The following CYTH3 variants were observed in gnomAD, a reference collection of about 807,000 sequenced individuals.
CYTH3 encodes cytohesin 3.
Under a neutral mutation model 55.1 loss-of-function variants are expected in CYTH3, and 23 were observed. The ratio of observed to expected loss-of-function variants is 0.42; its 90% confidence interval spans 0.30 to 0.59. CYTH3 has a LOEUF of 0.59. Among genes scored for constraint, CYTH3 ranks in the 20% least tolerant of loss-of-function variants. The pLI, the probability that CYTH3 is intolerant of heterozygous loss-of-function variation, is 0.20. For missense variants in CYTH3, 413 were observed against 524.8 expected (o/e 0.79, Z 2.08); for synonymous variants, 249 against 194.9 (o/e 1.28, Z -2.31).
At chr7:6,183,563 TCTGAGACTTAGA>T (rs760877188) in intron 4 of CYTH3, among the ~76,000 whole-genome samples, 2 of 152,158 alleles carry the variant, frequency 1.3e-5, no homozygotes, top group Non-Finnish European at 2.9e-5. Flanking sequence ...GTGTCATCAC[TCTGAGACTTAGA>T]AAACACCATC....
At chr7:6,198,831 A>G (rs1783997843) in intron 1 of CYTH3, among the ~76,000 whole-genome samples, 1 of 151,986 alleles carries the variant, frequency 6.6e-6, no homozygotes, top group Admixed American at 6.6e-5. Context: ...TGAAATCTCT[A>G]AAGCTGGTTG....
At chr7:6,272,442 G>C (rs1357803609) in intron 1 of CYTH3, 32 bp downstream of exon 1, 15 of 1,246,248 alleles carry the variant, frequency 1.2e-5, no homozygotes, top group South Asian at 3.5e-5. Context: ...ACCCCAGGCC[G>C]CCGGCGAGCC....
intron 1 of CYTH3, among the ~76,000 whole-genome samples, chr7:6,202,255 G>A (rs542582250): frequency 8.5e-5 from 13 of 152,238 alleles, no homozygotes; most frequent in Non-Finnish European, 1.6e-4. Context: ...GAAACCACAC[G>A]GAAGAGTCCC....
intron 1 of CYTH3, among the ~76,000 whole-genome samples, chr7:6,194,482 T>C (rs1783872150): frequency 6.6e-6 from 1 of 152,100 alleles, no homozygotes; most frequent in African/African-American, 2.4e-5. Context: ...AAAAAAACCT[T>C]GAAAACAACA....
At chr7:6,225,225 G>T (rs1375567692) in intron 1 of CYTH3, among the ~76,000 whole-genome samples, 5 of 151,982 alleles carry the variant, frequency 3.3e-5, no homozygotes, top group African/African-American at 4.8e-5. Flanking sequence ...ATATCATATT[G>T]TCCAAAGACA....
At chr7:6,258,654 CAAGCTACA>C (rs1562416605) in intron 1 of CYTH3, among the ~76,000 whole-genome samples, 1 of 152,220 alleles carries the variant, frequency 6.6e-6, no homozygotes, top group Non-Finnish European at 1.5e-5. Flanking sequence ...ACAATGACGA[CAAGCTACA>C]AGGCAACAGG....
At chr7:6,210,846 A>G (rs1475132414) in intron 1 of CYTH3, among the ~76,000 whole-genome samples, 1 of 152,222 alleles carries the variant, frequency 6.6e-6, no homozygotes, top group Non-Finnish European at 1.5e-5. Flanking sequence ...CTTCACTGAT[A>G]AGAGTTGTTA....
intron 4 of CYTH3, among the ~76,000 whole-genome samples, chr7:6,184,136 C>A (rs927300516): frequency 8.0e-6 from 1 of 124,454 alleles, no homozygotes; most frequent in South Asian, 2.8e-4. Flanking sequence ...TCTCGGCTTA[C>A]TGCAAGCTCC....
chr7:6,173,127 G>A (rs1054450501), intron 6 of CYTH3: 11 of 955,308 alleles, frequency 1.2e-5, no homozygotes, highest in African/African-American at 1.8e-5. Flanking sequence ...ACTCAGCCAG[G>A]GCACCAAGGA....
At chr7:6,187,841 A>G in intron 2 of CYTH3, 120 bp from the exon 3 acceptor site, 3 of 803,578 alleles carry the variant, frequency 3.7e-6, no homozygotes, top group Admixed American at 3.7e-5. Flanking sequence ...CATCACAGGG[A>G]TGGAAAAACC....
intron 5 of CYTH3, among the ~76,000 whole-genome samples, chr7:6,175,199 T>C (rs944702794): frequency 6.6e-6 from 1 of 152,148 alleles, no homozygotes. Flanking sequence ...TGGGTTGTCT[T>C]TTTACCTTTT....
intron 4 of CYTH3, among the ~76,000 whole-genome samples, chr7:6,179,413 G>A (rs1305760735): frequency 6.6e-6 from 1 of 152,068 alleles, no homozygotes; most frequent in Non-Finnish European, 1.5e-5. Flanking sequence ...GTTCTGGGTT[G>A]CAGTTATGTG....
chr7:6,190,389 A>T (rs1009232635), intron 2 of CYTH3, 60 bp downstream of exon 2: 721 of 1,105,200 alleles, frequency 6.5e-4, no homozygotes, highest in South Asian at 2.2e-3. Context: ...CTCTTTTACT[A>T]TTTTACTCAA....
intron 1 of CYTH3, among the ~76,000 whole-genome samples, chr7:6,200,577 A>G (rs1171703013): frequency 2.6e-5 from 4 of 152,076 alleles, no homozygotes; most frequent in Non-Finnish European, 5.9e-5. Context: ...TGTGATATGG[A>G]GCTTTTTAGA....
At chr7:6,243,682 T>C (rs1195691324) in intron 1 of CYTH3, among the ~76,000 whole-genome samples, 1 of 152,200 alleles carries the variant, frequency 6.6e-6, no homozygotes, top group East Asian at 1.9e-4. Flanking sequence ...AATGGACAAA[T>C]GACTTCCTAG....
intron 4 of CYTH3, among the ~76,000 whole-genome samples, chr7:6,179,798 C>CCT (rs1783451670): frequency 7.6e-6 from 1 of 131,494 alleles, no homozygotes; most frequent in African/African-American, 2.9e-5. Context: ...CACACACACC[C>CCT]ACCACACACA....
At chr7:6,262,106 A>C (rs1168883668) in intron 1 of CYTH3, among the ~76,000 whole-genome samples, 1 of 152,214 alleles carries the variant, frequency 6.6e-6, no homozygotes, top group African/African-American at 2.4e-5. Context: ...AGAAAGGATT[A>C]CTACAATGGA....
intron 6 of CYTH3, among the ~76,000 whole-genome samples, chr7:6,173,390 C>G (rs1311727337): frequency 6.6e-6 from 1 of 152,164 alleles, no homozygotes; most frequent in African/African-American, 2.4e-5. Flanking sequence ...TACACCATTA[C>G]AAATAAAAGG....
chr7:6,166,562 G>A (rs572589052), intron 9 of CYTH3, among the ~76,000 whole-genome samples: 3 of 152,334 alleles, frequency 2.0e-5, no homozygotes, highest in Admixed American at 1.3e-4. Context: ...CTCCCTAAGT[G>A]GGGGCCAGCA....
Sources: gnomAD v4.1 joint callset for allele counts (sites outside exome capture counted in the v4.1 genomes callset) on GRCh38, gnomAD v4.1.1 for gene constraint, MANE v1.5 for transcripts, NCBI Gene and HGNC (gene_info 2026-07-23, HGNC 2026-07-21) for gene names.